Variants in NUP210L observed in about 807,000 individuals in gnomAD.
The protein encoded by NUP210L is nucleoporin 210 like.
Under a neutral mutation model 208.5 loss-of-function variants are expected in NUP210L, and 74 were observed. The observed-to-expected ratio is 0.35, with a 90% CI of 0.29 to 0.43. The LOEUF is 0.43. Among genes scored for constraint, NUP210L ranks in the 20% least tolerant of loss-of-function variants. The pLI, the probability that NUP210L is intolerant of heterozygous loss-of-function variation, is 1.00. For missense variants in NUP210L, 1,843 were observed against 2,289.4 expected, an observed-to-expected ratio of 0.81 and a Z score of 3.98; for synonymous variants, 780 against 816.9, an observed-to-expected ratio of 0.95 and a Z score of 0.77.
intron 16 of NUP210L, among the ~76,000 whole-genome samples, chr1:154,071,332 T>C (rs1654715707): frequency 6.6e-6 from 1 of 151,826 alleles, no homozygotes; most frequent in Non-Finnish European, 1.5e-5. Flanking sequence ...GGGGAACAGG[T>C]GGTATTTGGT....
At chr1:154,090,223 A>T (rs1655835066) in intron 15 of NUP210L, among the ~76,000 whole-genome samples, 1 of 152,066 alleles carries the variant, frequency 6.6e-6, no homozygotes, top group Admixed American at 6.6e-5. Flanking sequence ...AGGAAAAAAA[A>T]AAAAAATCTA....
At chr1:154,005,525 GTGTT>G (rs557286760) in intron 35 of NUP210L, among the ~76,000 whole-genome samples, 57 of 151,988 alleles carry the variant, frequency 3.8e-4, no homozygotes, top group Middle Eastern at 3.4e-3. Flanking sequence ...ACCGCGCCCA[GTGTT>G]TGTTTGTTTG....
intron 33 of NUP210L, among the ~76,000 whole-genome samples, chr1:154,017,349 C>G (rs1651316185): frequency 6.6e-6 from 1 of 151,386 alleles, no homozygotes; most frequent in Non-Finnish European, 1.5e-5. Flanking sequence ...TCACTAGCAC[C>G]AGTCTCCATA....
rs111937300 is a variant in NUP210L, at chr1:154,031,298, T to C, written c.3697-1244A>G. The stretch of plus-strand genomic sequence containing the variant: ...AGAGACAGGGTTTCACCATGTTGGC[T>C]AGGCTGGTCTCGAACTCCTGACCTC... On this transcript the variant is annotated intron_variant, in intron 27 of 39. Coordinates refer to ENST00000368559, the Ensembl canonical transcript of NUP210L. 1.9e-3 allele frequency among the ~76,000 whole-genome samples: 291 copies of C among 152,158 alleles called. 1 individual carries two copies. The highest frequency in any genetic ancestry group is 6.8e-3 in the African/African-American group (283 of 41,522).
At chr1:154,125,716 A>G (rs1388112289) in intron 10 of NUP210L, among the ~76,000 whole-genome samples, 1 of 46,952 alleles carries the variant, frequency 2.1e-5, no homozygotes, top group Non-Finnish European at 4.5e-5. Flanking sequence ...GAAGGAAGGA[A>G]GGAAGGAAGG....
exon 13 of NUP210L, chr1:154,104,051 T>A (rs1472653223): frequency 6.2e-7 from 1 of 1,613,942 alleles, no homozygotes; most frequent in East Asian, 2.2e-5. Context: ...TTATCCATGT[T>A]CAGATCCAAG....
At chr1:154,134,502 C>T (rs999449795) in intron 7 of NUP210L, among the ~76,000 whole-genome samples, 11 of 147,468 alleles carry the variant, frequency 7.5e-5, no homozygotes, top group African/African-American at 2.7e-4. Flanking sequence ...CTTTGGGAGG[C>T]CGAGGCGGGC....
chr1:154,087,787 T>A (rs1359040979), intron 16 of NUP210L, among the ~76,000 whole-genome samples: 2 of 152,156 alleles, frequency 1.3e-5, no homozygotes, highest in African/African-American at 4.8e-5. Context: ...CAGGCTACCA[T>A]ATCAATGAAA....
exon 1 of NUP210L, chr1:154,155,101 G>T: frequency 7.7e-7 from 1 of 1,298,030 alleles, no homozygotes; most frequent in Non-Finnish European, 1.1e-6. Flanking sequence ...AGCTCCATCA[G>T]CCAATCCACA....
chr1:154,134,879 A>G (rs1658455857), intron 7 of NUP210L, among the ~76,000 whole-genome samples: 1 of 151,496 alleles, frequency 6.6e-6, no homozygotes, highest in African/African-American at 2.4e-5. Context: ...CTGGGATTAC[A>G]GGCATGCACC....
rs1296350261 is a variant in NUP210L, at chr1:154,003,490, G to A, written c.4931-1505C>T. Among the ~76,000 whole-genome samples the A allele has an allele frequency of 3.3e-5, 5 of 152,174 alleles. No individual in the cohort carries two copies. The East Asian group carries it at 9.7e-4, about 29-fold the overall frequency. On this transcript the variant is annotated intron_variant, in intron 35 of 39. Coordinates refer to ENST00000368559, the Ensembl canonical transcript of NUP210L. ...CAAAGTGCTGGGATTACAGGCGTGAGCCACCATGCCTGGACTATTTATTAT... is the reference window on the plus strand; with the variant it reads ...CAAAGTGCTGGGATTACAGGCGTGAACCACCATGCCTGGACTATTTATTAT...
chr1:154,064,841 G>A (rs1266101791), intron 17 of NUP210L, among the ~76,000 whole-genome samples: 6 of 152,030 alleles, frequency 3.9e-5, no homozygotes, highest in East Asian at 1.9e-4. Flanking sequence ...TTGGAAGGCC[G>A]AGGCAGGCAG....
exon 7 of NUP210L, chr1:154,135,887 A>G: frequency 6.2e-7 from 1 of 1,611,826 alleles, no homozygotes; most frequent in Non-Finnish European, 8.5e-7. Context: ...CATCCAGTAT[A>G]GCCACTTTCT....
chr1:154,036,366 C>CT (rs34750631), intron 27 of NUP210L, among the ~76,000 whole-genome samples: 8,620 of 65,454 alleles, frequency 0.13, 1,751 homozygotes, highest in Non-Finnish European at 0.2. Context: ...GTGTGTATAA[C>CT]TTTTTTTTTT....
At chr1:154,035,613 G>C (rs952206266) in intron 27 of NUP210L, among the ~76,000 whole-genome samples, 14 of 151,862 alleles carry the variant, frequency 9.2e-5, no homozygotes, top group Non-Finnish European at 1.9e-4. Context: ...TGGCCACACT[G>C]GTCTCGAACT....
rs1416113308 is a variant in NUP210L at position 154,065,159 on chromosome 1, C to T, written c.2555-3485G>A. ...ATAAAATCAGGTACAATGGCTCATG[C>T]CTGTAATCCCAGCACTTTGAGAGGC... is the stretch of plus-strand genomic sequence containing the variant. On this transcript the variant is annotated intron_variant, in intron 17 of 39. Coordinates refer to ENST00000368559, the Ensembl canonical transcript of NUP210L. Among the ~76,000 whole-genome samples the T allele has an allele frequency of 5.3e-5, 8 of 151,378 alleles. No individual in the cohort carries two copies. In the East Asian group the frequency reaches 7.7e-4, roughly 15 times the overall value.
At chr1:153,999,373 T>C (rs1341988034) in intron 37 of NUP210L, among the ~76,000 whole-genome samples, 1 of 152,196 alleles carries the variant, frequency 6.6e-6, no homozygotes, top group Non-Finnish European at 1.5e-5. Flanking sequence ...TAAGTCTTGG[T>C]TCTAGGGTTA....
intron 25 of NUP210L, among the ~76,000 whole-genome samples, chr1:154,048,628 G>A (rs1653315021): frequency 6.6e-6 from 1 of 152,130 alleles, no homozygotes; most frequent in Non-Finnish European, 1.5e-5. Flanking sequence ...CCTCACCCCT[G>A]TACAATGTCT....
chr1:154,147,938 A>C (rs1659199546), intron 2 of NUP210L, among the ~76,000 whole-genome samples: 1 of 137,066 alleles, frequency 7.3e-6, no homozygotes, highest in Admixed American at 7.1e-5. Context: ...TACAGAGGTG[A>C]GCCACCGTGC....
Sources: allele counts gnomAD v4.1 joint callset (sites outside exome capture counted in the v4.1 genomes callset), GRCh38; gene constraint gnomAD v4.1.1; transcripts MANE v1.5; gene names NCBI Gene and HGNC (gene_info 2026-07-23, HGNC 2026-07-21).